Variants in ABCA4 observed in about 807,000 individuals in gnomAD.
ABCA4 encodes ATP binding cassette subfamily A member 4.
In ABCA4, 196 loss-of-function variants were observed where a neutral mutation model predicts 263.7. That is an observed-to-expected ratio of 0.74 (90% CI 0.66 to 0.84). The LOEUF is 0.84. Among genes scored for constraint, ABCA4 ranks in the 40% least tolerant of loss-of-function variants. The pLI is 0.00. For missense variants in ABCA4, 2,792 were observed against 2,855.1 expected (o/e 0.98, Z 0.50); for synonymous variants, 1,133 against 1,094.2 (o/e 1.04, Z -0.70).
At position 94,083,366 on chromosome 1, in the gene ABCA4, G is replaced by T; in HGVS notation, c.844C>A (p.Pro282Thr). Residue 282 changes from proline (P) to threonine (T), a missense_variant, in exon 7 of 50, where the codon CCA becomes ACA. Pro to Thr is a conservative substitution (Grantham distance 38). Coordinates refer to ENST00000370225, the MANE Select transcript of ABCA4 (RefSeq NM_000350.3). The part of the protein sequence containing the change: ...SWGGILSDMS[P>T]RIQEFIHRPS... ...AGGCTACTCACCTCTTGAATTCTTG[G>T]TGACATATCAGATAATATTCCTCCC... is the stretch of plus-strand genomic sequence containing the variant. 1 of 1,611,374 alleles carries T rather than the reference G, an allele frequency of 6.2e-7. No homozygotes were observed. Among genetic ancestry groups the T allele is most frequent in the Non-Finnish European group, 8.5e-7 (1 of 1,177,884 alleles).
At chr1:94,020,691 G>A (rs1374853193) in intron 35 of ABCA4, among the ~76,000 whole-genome samples, 1 of 152,220 alleles carries the variant, frequency 6.6e-6, no homozygotes, top group African/African-American at 2.4e-5. Context: ...GCTGAAGTTT[G>A]CACTAACAAA....
chr1:94,099,087 GCGA>G, intron 5 of ABCA4, 96 bp from the exon 6 acceptor site: 1 of 1,320,924 alleles, frequency 7.6e-7, no homozygotes, highest in Non-Finnish European at 1.1e-6. Flanking sequence ...GTGTTACATG[GCGA>G]CAGGAATTAA....
Position 94,062,633 on chromosome 1 carries a change from C to T in ABCA4, c.1881G>A (p.Glu627=), listed in dbSNP as rs1661161052. Residue 627 remains glutamate, a synonymous_variant, in exon 13 of 50, where the codon GAG becomes GAA. Transcript: ENST00000370225. ...GCTGGAGGTAGATTCCAACTGGAGCCTCCGCCTGCACCTGGCTCCTTGTGA... is the reference window on the plus strand; with the variant it reads ...GCTGGAGGTAGATTCCAACTGGAGCTTCCGCCTGCACCTGGCTCCTTGTGA... ...QGITRSQVQA[E]APVGIYLQQM... is the part of the protein sequence containing the mutation. 2 of 1,614,204 alleles carry T rather than the reference C, an allele frequency of 1.2e-6. No homozygotes were observed. The highest frequency in any genetic ancestry group is 1.1e-5 in the South Asian group (1 of 91,090).
chr1:94,087,937 A>G (rs1415742595), intron 6 of ABCA4, among the ~76,000 whole-genome samples: 1 of 152,146 alleles, frequency 6.6e-6, no homozygotes, highest in East Asian at 1.9e-4. Context: ...CATGCTGTGT[A>G]TACGTGCAAG....
chr1:94,072,974 C>T (rs2101093438), intron 11 of ABCA4, among the ~76,000 whole-genome samples: 1 of 152,234 alleles, frequency 6.6e-6, no homozygotes, highest in South Asian at 2.1e-4. Flanking sequence ...GTTAGGCCGC[C>T]CTCCTGGGAG....
chr1:94,107,014 C>T (rs747041472), intron 4 of ABCA4, among the ~76,000 whole-genome samples: 6 of 152,178 alleles, frequency 3.9e-5, no homozygotes, highest in South Asian at 4.1e-4. Flanking sequence ...CACTGAAGGT[C>T]GACTGAATGT....
intron 40 of ABCA4, among the ~76,000 whole-genome samples, chr1:94,009,289 C>T (rs1442119842): frequency 6.6e-6 from 1 of 152,186 alleles, no homozygotes; most frequent in African/African-American, 2.4e-5. Context: ...AGCAAGCACT[C>T]AGTAAGGGGT....
intron 49 of ABCA4, among the ~76,000 whole-genome samples, chr1:93,994,901 G>C (rs1462956377): frequency 2.6e-5 from 4 of 152,188 alleles, no homozygotes. Context: ...TGCCAGGCAG[G>C]GGTGGGGAGA....
chr1:94,018,009 G>A (rs957025040), intron 36 of ABCA4, among the ~76,000 whole-genome samples: 4 of 151,906 alleles, frequency 2.6e-5, no homozygotes, highest in Admixed American at 6.6e-5. Context: ...ATGATGGATC[G>A]CGGAGGTGAG....
intron 16 of ABCA4, among the ~76,000 whole-genome samples, chr1:94,054,582 G>T (rs1660920622): frequency 6.6e-6 from 1 of 152,176 alleles, no homozygotes; most frequent in African/African-American, 2.4e-5. Flanking sequence ...AGGTGGAAAG[G>T]CCCTGAAGAG....
chr1:94,078,271 C>T (rs1661591753), intron 10 of ABCA4, among the ~76,000 whole-genome samples: 2 of 152,204 alleles, frequency 1.3e-5, no homozygotes, highest in African/African-American at 4.8e-5. Context: ...TTTGGAGTTA[C>T]AGAGCTGGCC....
intron 11 of ABCA4, among the ~76,000 whole-genome samples, chr1:94,070,630 C>A (rs548508085): frequency 3.9e-5 from 6 of 152,080 alleles, no homozygotes; most frequent in Non-Finnish European, 8.8e-5. Context: ...CATGAAGGTG[C>A]GGAGGCGTAT....
intron 35 of ABCA4, among the ~76,000 whole-genome samples, chr1:94,020,711 A>G (rs894383965): frequency 6.6e-6 from 1 of 152,214 alleles, no homozygotes; most frequent in African/African-American, 2.4e-5. Flanking sequence ...AGGTGCTCCT[A>G]CCAACCCCTC....
chr1:94,059,134 G>A (rs1306926620), intron 14 of ABCA4, among the ~76,000 whole-genome samples: 8 of 152,230 alleles, frequency 5.3e-5, no homozygotes, highest in Non-Finnish European at 1.5e-5. Context: ...TTATCAACAA[G>A]CCAGGCAAAA....
intron 22 of ABCA4, 61 bp from the exon 23 acceptor site, chr1:94,041,463 G>A: frequency 6.3e-7 from 1 of 1,579,706 alleles, no homozygotes; most frequent in Non-Finnish European, 8.7e-7. Context: ...TGTTGGTAAA[G>A]GGTGTACAGC....
At chr1:94,030,385 AG>A in intron 29 of ABCA4, 42 bp downstream of exon 29, 1 of 1,586,528 alleles carries the variant, frequency 6.3e-7, no homozygotes. Flanking sequence ...GGGTCCTCCC[AG>A]GGGAGCTAGT....
intron 4 of ABCA4, among the ~76,000 whole-genome samples, chr1:94,104,251 C>T (rs1209806750): frequency 6.6e-6 from 1 of 152,172 alleles, no homozygotes; most frequent in Non-Finnish European, 1.5e-5. Flanking sequence ...TACGAAGGGA[C>T]TTCAACACAA....
chr1:94,009,795 T>C (rs1021557652), intron 40 of ABCA4, among the ~76,000 whole-genome samples: 1 of 152,198 alleles, frequency 6.6e-6, no homozygotes, highest in Non-Finnish European at 1.5e-5. Context: ...ATTTGGGTAG[T>C]CAACCTCCTG....
chr1:94,051,661 T>C lies in ABCA4; in HGVS notation c.2625A>G (p.Leu875=), dbSNP rs1444225848. ...YGTPLPWYFL[L]QESYWLGGEG... ...CACCGCCAAGCCAATACGACTCTTG[T>C]AGAAGAAAGTACCAAGGAAGTGGGG... The change falls in exon 17 of 50, where the codon CTA becomes CTG. Residue 875 remains leucine, a synonymous_variant. Transcript: ENST00000370225. The C allele has an allele frequency of 1.2e-6, 2 of 1,613,948 alleles. No homozygotes were observed. Among genetic ancestry groups the C allele is most frequent in the Admixed American group, 1.7e-5 (1 of 60,010 alleles).
Sources: gnomAD v4.1 joint callset for allele counts (sites outside exome capture counted in the v4.1 genomes callset) on GRCh38, gnomAD v4.1.1 for gene constraint, MANE v1.5 for transcripts, NCBI Gene and HGNC (gene_info 2026-07-23, HGNC 2026-07-21) for gene names.